SEMA3A: variants seen among roughly 807,000 people sequenced by gnomAD.
SEMA3A encodes semaphorin 3A.
A neutral mutation model predicts 97.9 loss-of-function variants in SEMA3A; 29 were observed. That is an observed-to-expected ratio of 0.30 (90% CI 0.22 to 0.40). SEMA3A has a LOEUF of 0.40. SEMA3A is among the 10% of genes least tolerant of loss of function. The pLI is 1.00. For missense variants in SEMA3A, 763 were observed against 951.3 expected, an observed-to-expected ratio of 0.80 and a Z score of 2.60; for synonymous variants, 321 against 323.7, an observed-to-expected ratio of 0.99 and a Z score of 0.09.
intron 5 of SEMA3A, among the ~76,000 whole-genome samples, chr7:84,049,360 G>A (rs181633589): frequency 1.7e-4 from 26 of 152,144 alleles, no homozygotes; most frequent in Admixed American, 1.7e-3. Flanking sequence ...TTCCTGGTGA[G>A]GGTTCTATGG....
At chr7:84,055,685 G>T (rs570792595) in intron 5 of SEMA3A, among the ~76,000 whole-genome samples, 92 of 152,212 alleles carry the variant, frequency 6.0e-4, no homozygotes, top group Non-Finnish European at 1.2e-3. Flanking sequence ...CACGCTCGGA[G>T]CTGTAGATCG....
intron 1 of SEMA3A, among the ~76,000 whole-genome samples, chr7:84,410,830 A>G (rs749792362): frequency 6.6e-6 from 1 of 152,132 alleles, no homozygotes; most frequent in Non-Finnish European, 1.5e-5. Context: ...GTTTCTGTAC[A>G]CTTAGACTCT....
intron 3 of SEMA3A, among the ~76,000 whole-genome samples, chr7:84,205,761 C>T (rs1798477434): frequency 6.6e-6 from 1 of 152,062 alleles, no homozygotes; most frequent in South Asian, 2.1e-4. Context: ...TAACACTATC[C>T]AGAATTTTGA....
chr7:84,180,559 A>G (rs1797709935), intron 1 of SEMA3A, among the ~76,000 whole-genome samples: 1 of 151,966 alleles, frequency 6.6e-6, no homozygotes, highest in Admixed American at 6.6e-5. Flanking sequence ...GCGGTGGCAC[A>G]CGCTAATAAT....
chr7:84,025,725 T>C (rs914820660), intron 6 of SEMA3A, among the ~76,000 whole-genome samples: 1 of 152,100 alleles, frequency 6.6e-6, no homozygotes, highest in Non-Finnish European at 1.5e-5. Context: ...CAAGTGAAAA[T>C]AATAGATACT....
intron 1 of SEMA3A, among the ~76,000 whole-genome samples, chr7:84,191,168 T>C (rs889673078): frequency 6.7e-6 from 1 of 150,080 alleles, no homozygotes; most frequent in Non-Finnish European, 1.5e-5. Flanking sequence ...GTCACACATA[T>C]ACATATGAGA....
intron 1 of SEMA3A, among the ~76,000 whole-genome samples, chr7:84,421,605 G>T (rs1047873106): frequency 6.6e-6 from 1 of 152,068 alleles, no homozygotes; most frequent in Non-Finnish European, 1.5e-5. Context: ...GGGTTTCAAA[G>T]GGAACGCTTC....
At chr7:84,319,552 C>G (rs1801596471) in intron 2 of SEMA3A, among the ~76,000 whole-genome samples, 1 of 151,788 alleles carries the variant, frequency 6.6e-6, no homozygotes, top group African/African-American at 2.4e-5. Context: ...TAAAATTCAC[C>G]TGCTAGATGA....
intron 2 of SEMA3A, among the ~76,000 whole-genome samples, chr7:84,331,764 A>C (rs117156816): frequency 6.6e-6 from 1 of 152,224 alleles, no homozygotes; most frequent in Non-Finnish European, 1.5e-5. Context: ...GCTGGCAAGT[A>C]ATAAGAGAGA....
intron 1 of SEMA3A, among the ~76,000 whole-genome samples, chr7:84,435,408 G>C (rs1422767095): frequency 6.6e-6 from 1 of 152,152 alleles, no homozygotes; most frequent in African/African-American, 2.4e-5. Flanking sequence ...AGGAGATCGA[G>C]ACAATCCTGG....
chr7:84,491,480 G>A (rs955650027), intron 1 of SEMA3A, among the ~76,000 whole-genome samples: 1 of 152,054 alleles, frequency 6.6e-6, no homozygotes, highest in Non-Finnish European at 1.5e-5. Context: ...ATCTTTGGTA[G>A]GGCATATGTT....
intron 1 of SEMA3A, among the ~76,000 whole-genome samples, chr7:84,193,050 C>T (rs7782557): frequency 0.64 from 97,196 of 151,770 alleles, 31,370 homozygotes; most frequent in East Asian, 0.76. Flanking sequence ...AATAACGCTA[C>T]ATGATTTTTT....
intron 2 of SEMA3A, among the ~76,000 whole-genome samples, chr7:84,351,660 C>T (rs1162985271): frequency 2.0e-5 from 3 of 151,834 alleles, no homozygotes; most frequent in South Asian, 2.1e-4. Flanking sequence ...AAAATCAAAA[C>T]TAAAATAGGA....
chr7:84,434,659 A>G (rs1805077753), intron 1 of SEMA3A, among the ~76,000 whole-genome samples: 1 of 152,220 alleles, frequency 6.6e-6, no homozygotes, highest in Non-Finnish European at 1.5e-5. Flanking sequence ...GAGTTATTTT[A>G]CCATGATCAA....
chr7:84,145,822 CT>C (rs1796447722), intron 1 of SEMA3A, among the ~76,000 whole-genome samples: 1 of 152,032 alleles, frequency 6.6e-6, no homozygotes, highest in Non-Finnish European at 1.5e-5. Flanking sequence ...ATGAGAAGAC[CT>C]TTCAAAAATG....
intron 15 of SEMA3A, among the ~76,000 whole-genome samples, chr7:83,974,050 A>G (rs1789029001): frequency 6.6e-6 from 1 of 152,154 alleles, no homozygotes; most frequent in African/African-American, 2.4e-5. Context: ...TTTTGTACAC[A>G]GCAATTATTT....
At chr7:84,490,092 T>C (rs963869252) in intron 1 of SEMA3A, among the ~76,000 whole-genome samples, 1 of 148,394 alleles carries the variant, frequency 6.7e-6, no homozygotes, top group Admixed American at 6.7e-5. Flanking sequence ...GACCACATAA[T>C]TTATTCATTA....
chr7:84,199,721 G>T (rs1798310055), upstream of SEMA3A, among the ~76,000 whole-genome samples: 1 of 151,966 alleles, frequency 6.6e-6, no homozygotes, highest in African/African-American at 2.4e-5. Flanking sequence ...CAAGAAATTT[G>T]AACCTTTCTT....
At chr7:84,460,159 G>T (rs541149220) in intron 1 of SEMA3A, among the ~76,000 whole-genome samples, 22 of 152,164 alleles carry the variant, frequency 1.4e-4, no homozygotes, top group Non-Finnish European at 2.5e-4. Context: ...AGAATTCTTG[G>T]TGTAGAATGT....
Sources: gnomAD v4.1 joint callset for allele counts (sites outside exome capture counted in the v4.1 genomes callset) on GRCh38, gnomAD v4.1.1 for gene constraint, MANE v1.5 for transcripts, NCBI Gene and HGNC (gene_info 2026-07-23, HGNC 2026-07-21) for gene names.